RBBP8: variants seen among roughly 807,000 people sequenced by gnomAD.
RBBP8 encodes the protein DNA endonuclease RBBP8.
A neutral mutation model predicts 108.3 loss-of-function variants in RBBP8; 88 were observed. That is an observed-to-expected ratio of 0.81 (90% CI 0.68 to 0.97). The LOEUF is 0.97. RBBP8 is among the 50% of genes least tolerant of loss of function. The probability of loss-of-function intolerance (pLI) is 0.00; values close to 1 mark genes in which losing one functional copy is unlikely to be tolerated. For synonymous variants in RBBP8, 332 were observed against 348.2 expected, an observed-to-expected ratio of 0.95 and a Z score of 0.52; for missense variants, 1,023 against 1,049.0, an observed-to-expected ratio of 0.98 and a Z score of 0.34.
chr18:22,935,377 G>C (rs1327816598), intron 1 of RBBP8, among the ~76,000 whole-genome samples: 1 of 144,874 alleles, frequency 6.9e-6, no homozygotes, highest in African/African-American at 2.5e-5. Context: ...TAACAGATAA[G>C]GCCTTTCTAA....
chr18:22,929,671 C>G (rs530269263), upstream of RBBP8, among the ~76,000 whole-genome samples: 8 of 151,990 alleles, frequency 5.3e-5, no homozygotes, highest in South Asian at 1.0e-3. Context: ...TATGAGCCAC[C>G]CTATCTGGCC....
intron 3 of RBBP8, among the ~76,000 whole-genome samples, chr18:22,924,363 A>G (rs917358754): frequency 1.3e-5 from 2 of 152,034 alleles, no homozygotes; most frequent in Non-Finnish European, 2.9e-5. Context: ...TCTTGACCTC[A>G]TGATCTGCCT....
intron 12 of RBBP8, among the ~76,000 whole-genome samples, chr18:22,995,368 C>G (rs188647736): frequency 0.015 from 2,303 of 152,046 alleles, 29 homozygotes; most frequent in Non-Finnish European, 0.021. Flanking sequence ...TATGTAGTTC[C>G]TGTGTATTTT....
At chr18:22,924,127 G>GTTTTT (rs33978854) in intron 3 of RBBP8, among the ~76,000 whole-genome samples, 1,428 of 107,952 alleles carry the variant, frequency 0.013, 20 homozygotes, top group Non-Finnish European at 0.019. Flanking sequence ...TTTGTTTTTG[G>GTTTTT]TTTTTTTTTT....
chr18:22,932,035 T>G (rs74384266), upstream of RBBP8, among the ~76,000 whole-genome samples: 1 of 152,110 alleles, frequency 6.6e-6, no homozygotes, highest in African/African-American at 2.4e-5. Flanking sequence ...TGGATTTACA[T>G]GTTTAGTAAG....
chr18:23,001,231 A>C (rs890663468), intron 14 of RBBP8, among the ~76,000 whole-genome samples: 5 of 152,248 alleles, frequency 3.3e-5, no homozygotes, highest in Admixed American at 2.0e-4. Flanking sequence ...CAAGCCTTTC[A>C]CTACCTATAT....
chr18:22,920,563 A>G (rs72885786), intron 3 of RBBP8, among the ~76,000 whole-genome samples: 1 of 152,330 alleles, frequency 6.6e-6, no homozygotes, highest in Non-Finnish European at 1.5e-5. Context: ...CATATCTACA[A>G]TGATTCAGAT....
intron 5 of RBBP8, among the ~76,000 whole-genome samples, chr18:22,971,500 A>G (rs988907697): frequency 1.3e-5 from 2 of 152,204 alleles, no homozygotes; most frequent in African/African-American, 4.8e-5. Context: ...TCTAGTAGAT[A>G]CGTGAAATTA....
chr18:22,931,458 G>C (rs1910026384), upstream of RBBP8, among the ~76,000 whole-genome samples: 1 of 152,218 alleles, frequency 6.6e-6, no homozygotes, highest in Non-Finnish European at 1.5e-5. Flanking sequence ...AGTAGCTGCA[G>C]TATAGAGAAG....
chr18:22,989,966 G>T (rs1915568353), intron 9 of RBBP8, among the ~76,000 whole-genome samples: 1 of 152,188 alleles, frequency 6.6e-6, no homozygotes, highest in Non-Finnish European at 1.5e-5. Context: ...ACCACATCCA[G>T]CTGTACTCTT....
chr18:22,958,405 A>T (rs55758053), intron 4 of RBBP8, among the ~76,000 whole-genome samples: 27,009 of 152,186 alleles, frequency 0.18, 3,099 homozygotes, highest in East Asian at 0.4. Flanking sequence ...GCTCATAATT[A>T]TGTTATGATA....
At chr18:22,968,492 A>G (rs753180898) in intron 4 of RBBP8, among the ~76,000 whole-genome samples, 3 of 152,170 alleles carry the variant, frequency 2.0e-5, no homozygotes, top group Non-Finnish European at 2.9e-5. Context: ...GTATAATTCT[A>G]CCCCTTGGTA....
At chr18:22,976,861 G>T (rs1264235174) in intron 6 of RBBP8, among the ~76,000 whole-genome samples, 1 of 152,090 alleles carries the variant, frequency 6.6e-6, no homozygotes, top group Non-Finnish European at 1.5e-5. Context: ...ATGTGTATAA[G>T]TTAGGTTGAA....
intron 4 of RBBP8, among the ~76,000 whole-genome samples, chr18:22,956,138 A>G (rs1246185619): frequency 6.6e-6 from 1 of 152,036 alleles, no homozygotes; most frequent in Non-Finnish European, 1.5e-5. Flanking sequence ...CTAACTAAAT[A>G]CTACCTTTAA....
chr18:22,967,365 CA>C (rs200892497), intron 4 of RBBP8, among the ~76,000 whole-genome samples: 107 of 108,228 alleles, frequency 9.9e-4, no homozygotes, highest in African/African-American at 3.4e-3. Context: ...GACTCCGTCT[CA>C]AAAAAAAAAA....
Position 22,997,623 on chromosome 18 carries a change from G to A in RBBP8, c.2032G>A (p.Gly678Ser). 2 of 1,576,408 alleles carry A rather than the reference G, an allele frequency of 1.3e-6. No homozygotes were observed. The highest frequency in any genetic ancestry group is 1.7e-6 in the Non-Finnish European group (2 of 1,150,270). The change falls in exon 14 of 19, where the codon GGC becomes AGC. Residue 678 changes from glycine (G) to serine (S), a missense_variant. Physicochemically the swap from Gly to Ser is moderately conservative, Grantham distance 56. Coordinates refer to ENST00000327155, the MANE Select transcript of RBBP8 (RefSeq NM_002894.3). ...GATTTTTAAAATATTTATTTAGGAT[G>A]GCAGTCAGTCAAAATTAGGAGGAGA... The part of the protein sequence containing the change: ...MDVTVIDTKD[G>S]SQSKLGGETV...
rs1372301151 is a variant in RBBP8 at position 22,921,118 on chromosome 18, TGA to T, written c.-154+4096_-154+4097del. Among the ~76,000 whole-genome samples, 3 of 152,258 alleles carry T rather than the reference TGA, an allele frequency of 2.0e-5. No individual in the cohort carries two copies. The East Asian group carries it at 5.8e-4, about 29-fold the overall frequency. ...TTCCCCTTTTACTCTAGGTTCTCCA[TGA>T]GAGTAAGAGCCTGAGACCTCTGGCT... On this transcript the variant is annotated intron_variant, in intron 3 of 4. Coordinates refer to the RBBP8 transcript ENST00000577588.
chr18:22,955,482 T>C (rs1185315386), intron 4 of RBBP8, among the ~76,000 whole-genome samples: 2 of 152,186 alleles, frequency 1.3e-5, no homozygotes, highest in Admixed American at 6.5e-5. Flanking sequence ...CGCTACAGGA[T>C]AGATGATAGA....
upstream of RBBP8, chr18:22,929,481 T>TGG (rs1909916698): frequency 1.6e-4 from 1 of 6,160 alleles, no homozygotes; most frequent in Admixed American, 4.8e-3. Flanking sequence ...TGTGTGTGTG[T>TGG]GTGTGTGTGT....
Sources: gnomAD v4.1 joint callset for allele counts (sites outside exome capture counted in the v4.1 genomes callset) on GRCh38, gnomAD v4.1.1 for gene constraint, MANE v1.5 for transcripts, NCBI Gene and HGNC (gene_info 2026-07-23, HGNC 2026-07-21) for gene names.